Variants in SERPINH1 observed in about 807,000 individuals in gnomAD.
SERPINH1 encodes the protein serpin family H member 1, also known as serpin H1.
SERPINH1 carries 22 observed loss-of-function variants against 32.3 expected under a neutral mutation model. The ratio of observed to expected loss-of-function variants is 0.68; its 90% confidence interval spans 0.49 to 0.97. The LOEUF (loss-of-function observed/expected upper bound fraction) is 0.97, where lower values mean the gene tolerates loss of function less well. Ranked by LOEUF, SERPINH1 falls within the 50% of genes least tolerant of loss-of-function variation. SERPINH1 has a pLI of 0.00. For missense variants in SERPINH1, 543 were observed against 576.4 expected (o/e 0.94, Z 0.59); for synonymous variants, 251 against 245.9 (o/e 1.02, Z -0.19).
At chr11:75,567,462 C>G (rs1169416733) in intron 2 of SERPINH1, among the ~76,000 whole-genome samples, 3 of 152,240 alleles carry the variant, frequency 2.0e-5, no homozygotes, top group African/African-American at 7.2e-5. Context: ...GCTGGGGTTA[C>G]AGGTGCCTAC....
Position 75,572,129 on chromosome 11 carries a change from T to C in SERPINH1, c.*46T>C. The C allele has an allele frequency of 1.3e-6, 2 of 1,583,568 alleles. No individual in the cohort carries two copies. The highest frequency in any genetic ancestry group is 1.7e-6 in the Non-Finnish European group (2 of 1,155,130). ...ATGGCAGGAGGCATCCAAAGGCTCC[T>C]GAGACACATGGGTGCTATTGGGGTT... is the stretch of plus-strand genomic sequence containing the variant. On this transcript the variant is annotated 3_prime_UTR_variant, in exon 5 of 5. Transcript: ENST00000358171.
At chr11:75,566,252 A>T in intron 1 of SERPINH1, 64 bp from the exon 2 acceptor site, 1 of 1,413,948 alleles carries the variant, frequency 7.1e-7, no homozygotes. Context: ...CAGAGAGCTG[A>T]GGGTGGTTGT....
chr11:75,570,997 G>A (rs1280950737), intron 4 of SERPINH1, among the ~76,000 whole-genome samples: 1 of 152,186 alleles, frequency 6.6e-6, no homozygotes, highest in African/African-American at 2.4e-5. Flanking sequence ...TGTGGCTGGA[G>A]GCTGCCACGT....
At chr11:75,568,870 T>C in intron 3 of SERPINH1, 41 bp downstream of exon 3, 1 of 1,602,588 alleles carries the variant, frequency 6.2e-7, no homozygotes, top group Non-Finnish European at 8.5e-7. Context: ...TGGGTGGGGG[T>C]CCAAGGGTAG....
At chr11:75,568,034 T>A (rs605040) in intron 2 of SERPINH1, 2 of 157,304 alleles carry the variant, frequency 1.3e-5, no homozygotes, top group Non-Finnish European at 2.8e-5. Flanking sequence ...CAGTAGCTCA[T>A]GCCTGTAATC....
chr11:75,568,552 T>G, intron 2 of SERPINH1, 179 bp from the exon 3 acceptor site: 1 of 668,602 alleles, frequency 1.5e-6, no homozygotes. Context: ...CCAAGACCCC[T>G]TCCCAAAGCT....
At chr11:75,570,151 T>G (rs1051041007) in intron 4 of SERPINH1, among the ~76,000 whole-genome samples, 2 of 152,112 alleles carry the variant, frequency 1.3e-5, no homozygotes, top group Non-Finnish European at 2.9e-5. Context: ...TAGCCGCCTT[T>G]TTGTCAATCG....
At chr11:75,566,183 G>C (rs1942068033) in intron 1 of SERPINH1, 133 bp from the exon 2 acceptor site, 1 of 772,146 alleles carries the variant, frequency 1.3e-6, no homozygotes, top group Admixed American at 2.6e-5. Context: ...TCTGAGTCAA[G>C]TCTGGGATTC....
chr11:75,568,846 G>T lies in SERPINH1; in HGVS notation c.721+17G>T. The T allele has an allele frequency of 6.2e-7, 1 of 1,610,764 alleles. No homozygotes were observed. Among genetic ancestry groups the T allele is most frequent in the Non-Finnish European group, 8.5e-7 (1 of 1,177,012 alleles). On this transcript the variant is annotated intron_variant, in intron 3 of 4. Transcript: ENST00000358171. ...ACCGGACAGGTAGGTGCTGTGAGGA[G>T]CAGGGTGTCAAGGTGGGTGGGGGTC...
rs142147918 is a variant in SERPINH1, at chr11:75,567,228, A to G, written c.622+257A>G. ...GAATGTATTCCGACCGAATTTCGTC[A>G]AAGTGCTCGTCCTTGTGTATCTTGG... is the stretch of plus-strand genomic sequence containing the variant. On this transcript the variant is annotated intron_variant, in intron 2 of 4. Coordinates refer to ENST00000358171, the MANE Select transcript of SERPINH1 (RefSeq NM_001235.5). Among the ~76,000 whole-genome samples, 784 of 152,370 alleles carry G rather than the reference A, an allele frequency of 5.1e-3. 12 individuals are homozygous for G. Among genetic ancestry groups the G allele is most frequent in the African/African-American group, 0.018 (755 of 41,592 alleles).
rs1477630216 is a variant in SERPINH1, at chr11:75,566,649, G to C, written c.300G>C (p.Glu100Asp). The change falls in exon 2 of 5, where the codon GAG becomes GAC. Residue 100 changes from glutamate to aspartate, a missense_variant. By Grantham distance (45) the Glu-to-Asp change is conservative. Coordinates refer to ENST00000358171, the MANE Select transcript of SERPINH1 (RefSeq NM_001235.5). ...ASQAKAVLSA[E>D]QLRDEEVHAG... ...AGGCCAAGGCAGTGCTGAGCGCCGAGCAGCTGCGCGACGAGGAGGTGCACG... is the reference window on the plus strand; with the variant it reads ...AGGCCAAGGCAGTGCTGAGCGCCGACCAGCTGCGCGACGAGGAGGTGCACG... The C allele has an allele frequency of 6.2e-7, 1 of 1,607,666 alleles. No homozygotes were observed.
intron 1 of SERPINH1, among the ~76,000 whole-genome samples, chr11:75,564,246 G>A (rs1216813861): frequency 6.6e-6 from 1 of 152,220 alleles, no homozygotes; most frequent in Non-Finnish European, 1.5e-5. Flanking sequence ...AGGAGCAGGC[G>A]CTAAGCTGCT....
In SERPINH1 at chr11:75,566,347, GC is replaced by G. The variant is rs1473455722; in HGVS notation, c.-1del. The G allele has an allele frequency of 3.1e-6, 5 of 1,607,244 alleles. No individual in the cohort carries two copies. Among genetic ancestry groups the G allele is most frequent in the Admixed American group, 1.7e-5 (1 of 59,160 alleles). ...CGTGGTGCACGCAAACCACTTCCTG[GC>G]CATGCGCTCCCTCCTGCTTCTCAGC... On this transcript the variant is annotated 5_prime_UTR_variant, in exon 2 of 5. Coordinates refer to ENST00000358171, the MANE Select transcript of SERPINH1 (RefSeq NM_001235.5).
intron 1 of SERPINH1, among the ~76,000 whole-genome samples, chr11:75,565,192 G>A (rs1458796423): frequency 6.6e-6 from 1 of 152,232 alleles, no homozygotes; most frequent in African/African-American, 2.4e-5. Flanking sequence ...CTACTGCTGG[G>A]GCTTGGGGAG....
intron 2 of SERPINH1, among the ~76,000 whole-genome samples, chr11:75,567,217 C>T (rs937472529): frequency 6.6e-6 from 1 of 152,196 alleles, no homozygotes; most frequent in African/African-American, 2.4e-5. Context: ...GTATTCCGAC[C>T]GAATTTCGTC....
At chr11:75,564,259 G>A (rs1265583958) in intron 1 of SERPINH1, among the ~76,000 whole-genome samples, 3 of 152,220 alleles carry the variant, frequency 2.0e-5, no homozygotes, top group Non-Finnish European at 2.9e-5. Flanking sequence ...AAGCTGCTGC[G>A]GGCCTAGCGG....
intron 1 of SERPINH1, among the ~76,000 whole-genome samples, chr11:75,565,984 G>T (rs1378081473): frequency 6.6e-6 from 1 of 152,258 alleles, no homozygotes; most frequent in Non-Finnish European, 1.5e-5. Context: ...GTGGCAACCA[G>T]ATTGGCTAGC....
intron 1 of SERPINH1, chr11:75,563,866 G>A (rs998298146): frequency 3.3e-5 from 5 of 152,728 alleles, no homozygotes; most frequent in African/African-American, 1.2e-4. Context: ...GCTAGCTGTG[G>A]GCACAGCCCT....
chr11:75,569,767 G>T (rs191330517), intron 4 of SERPINH1, among the ~76,000 whole-genome samples: 2 of 152,220 alleles, frequency 1.3e-5, no homozygotes, highest in African/African-American at 4.8e-5. Context: ...GACTTTATTA[G>T]GTAGGACTAT....
Sources: gnomAD v4.1 joint callset for allele counts (sites outside exome capture counted in the v4.1 genomes callset) on GRCh38, gnomAD v4.1.1 for gene constraint, MANE v1.5 for transcripts, NCBI Gene and HGNC (gene_info 2026-07-23, HGNC 2026-07-21) for gene names.